The following MS4A13 variants were observed in gnomAD, a reference collection of about 807,000 sequenced individuals.
The protein encoded by MS4A13 is membrane-spanning 4-domains subfamily A member 13.
In MS4A13, 21 loss-of-function variants were observed where a neutral mutation model predicts 18.4. The observed-to-expected ratio is 1.14, with a 90% CI of 0.81 to 1.64. The LOEUF (loss-of-function observed/expected upper bound fraction) is 1.64, where lower values mean the gene tolerates loss of function less well. MS4A13 is among the 40% of genes most tolerant of loss of function. The pLI, the probability that MS4A13 is intolerant of heterozygous loss-of-function variation, is 0.00. For synonymous variants in MS4A13, 62 were observed against 57.2 expected (o/e 1.08, Z -0.38); for missense variants, 173 against 176.8 (o/e 0.98, Z 0.12).
chr11:60,540,423 A>G (rs2086847889), intron 6 of MS4A13, among the ~76,000 whole-genome samples: 1 of 152,198 alleles, frequency 6.6e-6, no homozygotes. Context: ...GTAGTTACAT[A>G]ATATATATAG....
At chr11:60,517,518 G>A (rs756355265) in intron 2 of MS4A13, among the ~76,000 whole-genome samples, 1 of 152,036 alleles carries the variant, frequency 6.6e-6, no homozygotes, top group African/African-American at 2.4e-5. Context: ...GAGTTCAAGC[G>A]AGTCCATTTT....
intron 6 of MS4A13, among the ~76,000 whole-genome samples, chr11:60,540,632 T>A (rs980585449): frequency 3.3e-5 from 5 of 152,134 alleles, no homozygotes; most frequent in African/African-American, 1.2e-4. Context: ...CAAAGTATGT[T>A]TAATTTTTAA....
At chr11:60,538,771 G>T (rs1436697336) in intron 6 of MS4A13, among the ~76,000 whole-genome samples, 1 of 140,948 alleles carries the variant, frequency 7.1e-6, no homozygotes, top group Admixed American at 7.3e-5. Context: ...AATTATCTGG[G>T]TAGGCCTAAT....
At chr11:60,520,809 T>C (rs2135249474) in intron 3 of MS4A13, among the ~76,000 whole-genome samples, 1 of 152,358 alleles carries the variant, frequency 6.6e-6, no homozygotes, top group African/African-American at 2.4e-5. Context: ...CACCAGGCAG[T>C]GCCTCAGTAG....
At position 60,517,307 on chromosome 11, in the gene MS4A13, T is replaced by C. The variant is rs117874206; in HGVS notation, c.-12-765T>C. Among the ~76,000 whole-genome samples, 526 of 152,350 alleles carry C rather than the reference T, an allele frequency of 3.5e-3. 4 individuals carry two copies. The highest frequency in any genetic ancestry group is 0.021 in the South Asian group (103 of 4,826). On this transcript the variant is annotated intron_variant, in intron 2 of 6. Coordinates refer to ENST00000378186, the MANE Select transcript of MS4A13 (RefSeq NM_001012417.3). The stretch of plus-strand genomic sequence containing the variant: ...CTTAAAACATTAAATAGCTTTCTGT[T>C]TAAGTTTATATGAAAATAAAATTTA...
chr11:60,520,228 T>G (rs1429243924), intron 3 of MS4A13, among the ~76,000 whole-genome samples: 1 of 152,142 alleles, frequency 6.6e-6, no homozygotes, highest in Non-Finnish European at 1.5e-5. Flanking sequence ...TCACAAGATC[T>G]AATGGTTTTA....
chr11:60,529,004 G>A (rs914293196), intron 5 of MS4A13, among the ~76,000 whole-genome samples: 2 of 152,144 alleles, frequency 1.3e-5, no homozygotes, highest in African/African-American at 2.4e-5. Context: ...ATCTGTTGGT[G>A]GCCATCTTAT....
At chr11:60,530,780 C>G (rs2086759886) in intron 6 of MS4A13, among the ~76,000 whole-genome samples, 1 of 152,180 alleles carries the variant, frequency 6.6e-6, no homozygotes, top group South Asian at 2.1e-4. Flanking sequence ...TGGGAGGAAA[C>G]TGGATCATGG....
At chr11:60,524,952 G>A (rs921215329) in intron 4 of MS4A13, among the ~76,000 whole-genome samples, 7 of 152,128 alleles carry the variant, frequency 4.6e-5, no homozygotes, top group Admixed American at 2.0e-4. Flanking sequence ...GAGCCACTGC[G>A]CCCGGCCCCA....
At chr11:60,542,278 A>G (rs189377298) in intron 6 of MS4A13, among the ~76,000 whole-genome samples, 1 of 149,932 alleles carries the variant, frequency 6.7e-6, no homozygotes, top group Admixed American at 6.6e-5. Flanking sequence ...AAAAGGAAAG[A>G]AAGAAAGAGA....
intron 6 of MS4A13, among the ~76,000 whole-genome samples, chr11:60,541,447 C>A (rs1286688574): frequency 1.3e-5 from 2 of 152,054 alleles, no homozygotes; most frequent in African/African-American, 4.8e-5. Context: ...GCAACTATAC[C>A]TGCACTTAAC....
chr11:60,521,691 C>G (rs1433168235), intron 3 of MS4A13, among the ~76,000 whole-genome samples: 1 of 152,184 alleles, frequency 6.6e-6, no homozygotes, highest in African/African-American at 2.4e-5. Flanking sequence ...TCCAAACTTT[C>G]CCACATTTTC....
intron 3 of MS4A13, among the ~76,000 whole-genome samples, chr11:60,519,686 A>T (rs2086660786): frequency 1.3e-5 from 2 of 152,240 alleles, no homozygotes; most frequent in Admixed American, 1.3e-4. Context: ...GCAGTAGGAT[A>T]AAAACAATCA....
At chr11:60,539,294 G>A (rs11230375) in intron 6 of MS4A13, among the ~76,000 whole-genome samples, 24,990 of 151,422 alleles carry the variant, frequency 0.17, 2,306 homozygotes, top group East Asian at 0.28. Context: ...CAGAAATTAT[G>A]AAAAACCCAA....
At chr11:60,526,938 G>C (rs556633969) in intron 5 of MS4A13, among the ~76,000 whole-genome samples, 70 of 152,100 alleles carry the variant, frequency 4.6e-4, no homozygotes, top group Non-Finnish European at 8.7e-4. Context: ...GTTTTCTTTT[G>C]TGAGAAATGA....
intron 3 of MS4A13, among the ~76,000 whole-genome samples, chr11:60,522,115 G>A (rs548029730): frequency 3.3e-5 from 5 of 151,892 alleles, no homozygotes; most frequent in South Asian, 2.1e-4. Flanking sequence ...ACTGGGTCCC[G>A]CCCACAACAC....
At chr11:60,524,623 C>A (rs973049079) in intron 4 of MS4A13, among the ~76,000 whole-genome samples, 1 of 150,840 alleles carries the variant, frequency 6.6e-6, no homozygotes, top group African/African-American at 2.4e-5. Context: ...ATCTTATATG[C>A]TTTCTTCCAA....
chr11:60,529,052 A>G (rs2086741230), intron 5 of MS4A13, among the ~76,000 whole-genome samples: 1 of 152,108 alleles, frequency 6.6e-6, no homozygotes, highest in Non-Finnish European at 1.5e-5. Flanking sequence ...CTAACTGGAG[A>G]GTTTAGATAG....
At position 60,516,498 on chromosome 11, in the gene MS4A13, C is replaced by A. The variant is rs145318496; in HGVS notation, c.-13+414C>A. On this transcript the variant is annotated intron_variant, in intron 2 of 6. Coordinates refer to ENST00000378186, the MANE Select transcript of MS4A13 (RefSeq NM_001012417.3). ...CCAAAGGGGAGAAAACATTTCCACT[C>A]GTGAACTTTTCTTCTGAATTTGAAT... Among the ~76,000 whole-genome samples, 765 of 152,260 alleles carry A rather than the reference C, an allele frequency of 5.0e-3. 9 individuals carry two copies. Among genetic ancestry groups the A allele is most frequent in the African/African-American group, 0.017 (720 of 41,548 alleles).
Sources: gnomAD v4.1 joint callset for allele counts (sites outside exome capture counted in the v4.1 genomes callset) on GRCh38, gnomAD v4.1.1 for gene constraint, MANE v1.5 for transcripts, NCBI Gene and HGNC (gene_info 2026-07-23, HGNC 2026-07-21) for gene names.